Variants in LRBA observed in about 807,000 individuals in gnomAD.
LRBA encodes the protein lipopolysaccharide-responsive and beige-like anchor protein.
LRBA carries 176 observed loss-of-function variants against 330.0 expected under a neutral mutation model. The ratio of observed to expected loss-of-function variants is 0.53; its 90% CI spans 0.47 to 0.60. The LOEUF (loss-of-function observed/expected upper bound fraction) is 0.60, where lower values mean the gene tolerates loss of function less well. Ranked by LOEUF, LRBA falls within the 20% of genes least tolerant of loss-of-function variation. The pLI is 0.00. For missense variants in LRBA, 3,259 were observed against 3,444.8 expected, an observed-to-expected ratio of 0.95 and a Z score of 1.35; for synonymous variants, 1,230 against 1,193.0, an observed-to-expected ratio of 1.03 and a Z score of -0.64.
intron 14 of LRBA, 22 bp from the exon 15 acceptor site, chr4:150,897,840 A>G (rs1374617352): frequency 1.3e-6 from 2 of 1,509,194 alleles, no homozygotes; most frequent in Admixed American, 1.7e-5. Flanking sequence ...ATATACACAT[A>G]CACATTTAGT....
intron 5 of LRBA, 139 bp downstream of exon 5, chr4:150,921,059 G>A (rs1733199158): frequency 2.1e-5 from 11 of 532,402 alleles, no homozygotes; most frequent in Middle Eastern, 5.7e-4. Context: ...TAACATGCAC[G>A]ACTATCATAA....
intron 36 of LRBA, among the ~76,000 whole-genome samples, chr4:150,708,461 G>A (rs1037567991): frequency 6.6e-6 from 1 of 151,622 alleles, no homozygotes; most frequent in South Asian, 2.1e-4. Context: ...TTATAAAGTC[G>A]GGCTGAAATG....
rs567498949 is a variant in LRBA, at chr4:150,499,559, G to A, written c.6331-8524C>T. Among the ~76,000 whole-genome samples, 11 of 152,098 alleles carry A rather than the reference G, an allele frequency of 7.2e-5. No homozygotes were observed. The East Asian group carries it at 1.2e-3, about 16-fold the overall frequency. On this transcript the variant is annotated intron_variant, in intron 40 of 56. Coordinates refer to ENST00000651943, the MANE Select transcript of LRBA (RefSeq NM_001364905.1). ...AGAGGCTGAGGTGGGAGGACTGCTC[G>A]AGCCCAGAAATTGTTTGAGGCTGCA...
chr4:150,795,425 A>G lies in LRBA; in HGVS notation c.5580+2656T>C, dbSNP rs1441147073. Among the ~76,000 whole-genome samples the G allele has an allele frequency of 2.6e-5, 4 of 152,064 alleles. No individual in the cohort carries two copies. The East Asian group carries it at 7.7e-4, about 29-fold the overall frequency. On this transcript the variant is annotated intron_variant, in intron 34 of 56. Coordinates refer to ENST00000651943, the MANE Select transcript of LRBA (RefSeq NM_001364905.1). The stretch of plus-strand genomic sequence containing the variant: ...GCAACAGAGAACATACAGTTTCCTG[A>G]AGAATGTAAGCAGTCTTATTTTAAG...
intron 36 of LRBA, among the ~76,000 whole-genome samples, chr4:150,719,354 A>G (rs1728633546): frequency 6.6e-6 from 1 of 152,068 alleles, no homozygotes; most frequent in Non-Finnish European, 1.5e-5. Flanking sequence ...ATCTTAACCC[A>G]TAGTTACAAC....
intron 33 of LRBA, among the ~76,000 whole-genome samples, chr4:150,802,870 A>G (rs1427635642): frequency 6.6e-6 from 1 of 151,724 alleles, no homozygotes; most frequent in Non-Finnish European, 1.5e-5. Flanking sequence ...AAAATATACA[A>G]AATTTAGCCA....
At chr4:150,868,074 T>A in intron 21 of LRBA, 108 bp downstream of exon 21, 4 of 1,207,120 alleles carry the variant, frequency 3.3e-6, no homozygotes, top group Non-Finnish European at 4.6e-6. Context: ...ATAAAAAAAA[T>A]AGAAAAATCA....
chr4:150,828,101 G>T, intron 30 of LRBA, 79 bp downstream of exon 30: 1 of 1,316,926 alleles, frequency 7.6e-7, no homozygotes, highest in South Asian at 1.4e-5. Flanking sequence ...GGCTACACAG[G>T]GCGTCATCAT....
intron 48 of LRBA, among the ~76,000 whole-genome samples, chr4:150,336,371 C>T (rs1269715171): frequency 6.6e-6 from 1 of 152,064 alleles, no homozygotes; most frequent in Non-Finnish European, 1.5e-5. Context: ...GCAATTTTTG[C>T]CATCATTTAG....
chr4:150,556,995 C>T (rs1283331746), intron 40 of LRBA, among the ~76,000 whole-genome samples: 1 of 152,128 alleles, frequency 6.6e-6, no homozygotes, highest in Non-Finnish European at 1.5e-5. Context: ...CTGTGTTTCA[C>T]CCGGTACCCA....
intron 9 of LRBA, among the ~76,000 whole-genome samples, chr4:150,913,534 A>G (rs1732247731): frequency 6.6e-6 from 1 of 152,208 alleles, no homozygotes; most frequent in African/African-American, 2.4e-5. Flanking sequence ...TATGTATACT[A>G]CTGCTAAATA....
Position 150,366,772 on chromosome 4 carries a change from A to C in LRBA, c.7195-16613T>G, listed in dbSNP as rs191899543. ...ACTGGAGTAATTAACTCTGATGTGA[A>C]ACCACCTGATTGGAAAAGAGAAGCC... On this transcript the variant is annotated intron_variant, in intron 47 of 56. Transcript: ENST00000651943. 1.8e-3 allele frequency among the ~76,000 whole-genome samples: 276 copies of C among 152,302 alleles called. 3 individuals carry two copies. Among genetic ancestry groups the C allele is most frequent in the South Asian group, 0.017 (80 of 4,820 alleles).
chr4:150,300,657 G>GT (rs1434868976), intron 53 of LRBA, among the ~76,000 whole-genome samples: 1 of 151,632 alleles, frequency 6.6e-6, no homozygotes, highest in Non-Finnish European at 1.5e-5. Flanking sequence ...TACTTAATTC[G>GT]TTTTTTAAAG....
At chr4:150,562,317 T>G (rs1472673221) in intron 40 of LRBA, among the ~76,000 whole-genome samples, 1 of 152,218 alleles carries the variant, frequency 6.6e-6, no homozygotes, top group Non-Finnish European at 1.5e-5. Flanking sequence ...GCATTAAATT[T>G]TTCTTTAGAA....
chr4:150,596,672 GTTTAT>G (rs1010994051), intron 38 of LRBA, among the ~76,000 whole-genome samples: 6 of 151,760 alleles, frequency 4.0e-5, no homozygotes, highest in African/African-American at 1.4e-4. Flanking sequence ...TTCTTAATAA[GTTTAT>G]TTTGATTAGC....
chr4:150,470,314 G>A (rs1755938720), intron 43 of LRBA, among the ~76,000 whole-genome samples: 1 of 152,036 alleles, frequency 6.6e-6, no homozygotes, highest in Non-Finnish European at 1.5e-5. Flanking sequence ...CTTTCACCTT[G>A]CCTCTCAAGA....
intron 37 of LRBA, among the ~76,000 whole-genome samples, chr4:150,630,281 C>G (rs1177347807): frequency 6.6e-6 from 1 of 152,112 alleles, no homozygotes; most frequent in Admixed American, 6.5e-5. Context: ...AAAGAACTAC[C>G]AGAATGATCT....
At chr4:150,803,040 AAACT>A (rs1741914187) in intron 33 of LRBA, among the ~76,000 whole-genome samples, 1 of 145,280 alleles carries the variant, frequency 6.9e-6, no homozygotes, top group African/African-American at 2.6e-5. Context: ...AAAAAAAAAA[AAACT>A]AAAAACAAAA....
intron 46 of LRBA, 55 bp downstream of exon 46, chr4:150,435,534 C>T (rs1561173240): frequency 1.3e-6 from 2 of 1,533,314 alleles, no homozygotes; most frequent in East Asian, 4.6e-5. Flanking sequence ...TTTCAACATT[C>T]ACTCAACAAG....
Sources: gnomAD v4.1 joint callset for allele counts (sites outside exome capture counted in the v4.1 genomes callset) on GRCh38, gnomAD v4.1.1 for gene constraint, MANE v1.5 for transcripts, NCBI Gene and HGNC (gene_info 2026-07-23, HGNC 2026-07-21) for gene names.